The following GREB1 variants were observed in gnomAD, a reference collection of about 807,000 sequenced individuals.
GREB1 encodes protein GREB1.
In GREB1, 106 loss-of-function variants were observed where a neutral mutation model predicts 200.7. The observed-to-expected ratio is 0.53, with a 90% CI of 0.45 to 0.62. The LOEUF is 0.62. Ranked by LOEUF, GREB1 falls within the 20% of genes least tolerant of loss-of-function variation. The probability of loss-of-function intolerance (pLI) is 0.00; values close to 1 mark genes in which losing one functional copy is unlikely to be tolerated. For missense variants in GREB1, 2,243 were observed against 2,556.8 expected (o/e 0.88, Z 2.65); for synonymous variants, 1,132 against 1,092.4 (o/e 1.04, Z -0.72).
At chr2:11,561,473 C>T (rs1677031792) in intron 2 of GREB1, among the ~76,000 whole-genome samples, 1 of 151,670 alleles carries the variant, frequency 6.6e-6, no homozygotes, top group Admixed American at 6.6e-5. Flanking sequence ...AAGCAATTCT[C>T]CTGCCTCAGC....
rs184399518 is a variant in GREB1, at chr2:11,496,357, C to T, written c.-159+13976C>T. Among the ~76,000 whole-genome samples, 424 of 152,280 alleles carry T rather than the reference C, an allele frequency of 2.8e-3. 1 individual carries two copies. Among genetic ancestry groups the T allele is most frequent in the African/African-American group, 8.9e-3 (369 of 41,562 alleles). On this transcript the variant is annotated intron_variant, in intron 1 of 2. Transcript: ENST00000628795. Reference sequence around the variant, plus strand: ...GTGAACCCTCTCGGTTTATATTTGTCTCAGGTCATTTACATGAGTGAAAAG... The same window carrying T: ...GTGAACCCTCTCGGTTTATATTTGTTTCAGGTCATTTACATGAGTGAAAAG...
At chr2:11,494,415 T>C (rs1257127936) in intron 1 of GREB1, among the ~76,000 whole-genome samples, 1 of 152,254 alleles carries the variant, frequency 6.6e-6, no homozygotes, top group Non-Finnish European at 1.5e-5. Context: ...GATTCCCTGA[T>C]GGGGGTGCCC....
intron 10 of GREB1, among the ~76,000 whole-genome samples, chr2:11,589,987 A>G (rs1240101631): frequency 6.6e-6 from 1 of 152,142 alleles, no homozygotes; most frequent in Non-Finnish European, 1.5e-5. Context: ...TATACATTTA[A>G]GACACACTGG....
At chr2:11,559,706 G>A (rs982111244) in intron 2 of GREB1, among the ~76,000 whole-genome samples, 1 of 152,196 alleles carries the variant, frequency 6.6e-6, no homozygotes, top group Non-Finnish European at 1.5e-5. Context: ...ATGGAGACCT[G>A]TACTGCCTTG....
chr2:11,578,712 G>A (rs12479258), intron 6 of GREB1, among the ~76,000 whole-genome samples: 2,858 of 151,986 alleles, frequency 0.019, 45 homozygotes, highest in Non-Finnish European at 0.029. Context: ...CCCAACCCCC[G>A]CACAGCATAG....
chr2:11,579,404 A>G (rs959500332), intron 6 of GREB1, among the ~76,000 whole-genome samples: 1 of 152,238 alleles, frequency 6.6e-6, no homozygotes, highest in African/African-American at 2.4e-5. Context: ...AAAGTTGGGC[A>G]AATCTCTTCT....
chr2:11,590,899 G>A (rs1289934828), intron 10 of GREB1, among the ~76,000 whole-genome samples: 4 of 152,212 alleles, frequency 2.6e-5, no homozygotes, highest in Non-Finnish European at 5.9e-5. Flanking sequence ...CTGATCAACT[G>A]TGCCAGTGTG....
At chr2:11,634,523 G>A (rs561337673) in intron 29 of GREB1, among the ~76,000 whole-genome samples, 174 bp downstream of exon 29, 2 of 152,352 alleles carry the variant, frequency 1.3e-5, no homozygotes, top group South Asian at 2.1e-4. Flanking sequence ...AGATCATTCA[G>A]CTTCATTCAC....
chr2:11,638,645 C>T (rs988925396), intron 31 of GREB1, 26 bp from the exon 32 acceptor site: 1 of 1,607,032 alleles, frequency 6.2e-7, no homozygotes, highest in Non-Finnish European at 8.5e-7. Flanking sequence ...AAAACGGTGC[C>T]CTCTCTTGGA....
chr2:11,568,445 A>C (rs1677916898), intron 4 of GREB1, among the ~76,000 whole-genome samples: 1 of 152,242 alleles, frequency 6.6e-6, no homozygotes, highest in Non-Finnish European at 1.5e-5. Flanking sequence ...AACTCTTTTG[A>C]GGCAGGCTCA....
chr2:11,572,193 G>A (rs1273056697), intron 4 of GREB1, among the ~76,000 whole-genome samples: 2 of 152,236 alleles, frequency 1.3e-5, no homozygotes, highest in Non-Finnish European at 2.9e-5. Flanking sequence ...AGGCCCTTCT[G>A]AGCATCCACT....
At chr2:11,514,826 G>C (rs1673441105) in intron 1 of GREB1, among the ~76,000 whole-genome samples, 1 of 152,234 alleles carries the variant, frequency 6.6e-6, no homozygotes. Context: ...TCCCTCTGAA[G>C]TTGAGAGCAG....
chr2:11,608,078 C>T (rs1682569200), intron 17 of GREB1, among the ~76,000 whole-genome samples: 1 of 152,142 alleles, frequency 6.6e-6, no homozygotes, highest in African/African-American at 2.4e-5. Flanking sequence ...TTTGAAAAAT[C>T]CCAAGAGAAG....
At chr2:11,611,920 G>A (rs1465129657) in intron 18 of GREB1, among the ~76,000 whole-genome samples, 3 of 152,136 alleles carry the variant, frequency 2.0e-5, no homozygotes, top group Non-Finnish European at 4.4e-5. Context: ...CTGGTTGGGC[G>A]CGGTGGCTTA....
At chr2:11,635,782 A>G (rs567512355) in intron 30 of GREB1, among the ~76,000 whole-genome samples, 10 of 152,204 alleles carry the variant, frequency 6.6e-5, no homozygotes, top group South Asian at 6.2e-4. Context: ...TAGTCATACT[A>G]TGTGTCCACT....
At chr2:11,608,836 T>C (rs940183860) in intron 17 of GREB1, among the ~76,000 whole-genome samples, 2 of 152,226 alleles carry the variant, frequency 1.3e-5, no homozygotes, top group Non-Finnish European at 2.9e-5. Context: ...TCATATCAAC[T>C]GAAGACTTTA....
rs151001774 is a variant in GREB1, at chr2:11,637,974, T to G, written c.5547+58T>G. On this transcript the variant is annotated intron_variant, in intron 31 of 32. Transcript: ENST00000381486. ...AATTCAGAGAAATCTCTAGAACCAA[T>G]GGGCTGGAATCTGGGACTCTGAATC... 292 of 1,418,206 alleles carry G rather than the reference T, an allele frequency of 2.1e-4. 3 individuals are homozygous for G. The highest frequency in any genetic ancestry group is 1.9e-3 in the African/African-American group (133 of 71,222). The allele number at this position is 1,418,206 out of a possible 1,614,324, so 87.9% of individuals were successfully genotyped here.
At position 11,612,524 on chromosome 2, in the gene GREB1, G is replaced by A. The variant is rs1683026851; in HGVS notation, c.3036G>A (p.Trp1012Ter). 1.2e-6 allele frequency: 2 copies of A among 1,612,536 alleles called. No homozygotes were observed. The highest frequency in any genetic ancestry group is 1.1e-5 in the South Asian group (1 of 91,022). ...RMWQKIEDVE[W>*]RPQTYLELEG... ...GGCAGAAAATTGAGGATGTGGAGTGGAGACCCCAGACTTACTTGGAGCTGG... is the reference window on the plus strand; with the variant it reads ...GGCAGAAAATTGAGGATGTGGAGTGAAGACCCCAGACTTACTTGGAGCTGG... The change falls in exon 19 of 33, where the codon TGG (tryptophan) becomes TGA (stop). Residue 1012 changes from tryptophan (W) to a stop codon, truncating the protein, a stop_gained. Coordinates refer to ENST00000381486, the MANE Select transcript of GREB1 (RefSeq NM_014668.4). LOFTEE classifies it high-confidence loss of function.
At chr2:11,598,992 T>G in intron 15 of GREB1, 132 bp downstream of exon 15, 1 of 753,470 alleles carries the variant, frequency 1.3e-6, no homozygotes, top group Non-Finnish European at 2.3e-6. Flanking sequence ...TCTAAGCAGA[T>G]GCCATGGAGG....
Sources: gnomAD v4.1 joint callset for allele counts (sites outside exome capture counted in the v4.1 genomes callset) on GRCh38, gnomAD v4.1.1 for gene constraint, MANE v1.5 for transcripts, NCBI Gene and HGNC (gene_info 2026-07-23, HGNC 2026-07-21) for gene names.